The following B3GALNT2 variants were observed in gnomAD, a reference collection of about 807,000 sequenced individuals.
B3GALNT2 encodes the protein UDP-GalNAc:beta-1,3-N-acetylgalactosaminyltransferase 2.
A neutral mutation model predicts 61.1 loss-of-function variants in B3GALNT2; 53 were observed. The ratio of observed to expected loss-of-function variants is 0.87; its 90% CI spans 0.70 to 1.09. B3GALNT2 has a LOEUF of 1.09. Among genes scored for constraint, B3GALNT2 ranks in the 50% least tolerant of loss-of-function variants. The probability of loss-of-function intolerance (pLI) is 0.00; values close to 1 mark genes in which losing one functional copy is unlikely to be tolerated. For synonymous variants in B3GALNT2, 223 were observed against 237.4 expected, an observed-to-expected ratio of 0.94 and a Z score of 0.56; for missense variants, 544 against 623.0, an observed-to-expected ratio of 0.87 and a Z score of 1.35.
At chr1:235,498,744 T>C (rs12750955) in intron 1 of B3GALNT2, among the ~76,000 whole-genome samples, 1 of 147,278 alleles carries the variant, frequency 6.8e-6, no homozygotes, top group Admixed American at 7.1e-5. Flanking sequence ...CTCGGGAGGC[T>C]GAGTCAGGAG....
At chr1:235,460,630 G>A (rs1683378614) in intron 7 of B3GALNT2, among the ~76,000 whole-genome samples, 1 of 151,116 alleles carries the variant, frequency 6.6e-6, no homozygotes, top group African/African-American at 2.4e-5. Flanking sequence ...CTAGAATGCA[G>A]TGGTGTAATT....
Position 235,448,698 on chromosome 1 carries a change from A to G in B3GALNT2, c.*1508T>C. On this transcript the variant is annotated 3_prime_UTR_variant, in exon 12 of 12. Transcript: ENST00000366600. ...CCGGGCAGAGAAATCGAGCTGGAAA[A>G]TGACCTAAAGTCATTACAGTTTTAT... 2.5e-6 allele frequency: 4 copies of G among 1,614,176 alleles called. No homozygotes were observed. The highest frequency in any genetic ancestry group is 2.5e-6 in the Non-Finnish European group (3 of 1,180,026).
intron 2 of B3GALNT2, among the ~76,000 whole-genome samples, chr1:235,490,924 G>A (rs903061901): frequency 1.3e-5 from 2 of 151,920 alleles, no homozygotes; most frequent in Non-Finnish European, 2.9e-5. Context: ...TGGCCATAGT[G>A]GAAATATTCA....
chr1:235,453,237 C>A (rs751031407), intron 10 of B3GALNT2, 91 bp from the exon 11 acceptor site: 33 of 1,289,268 alleles, frequency 2.6e-5, no homozygotes, highest in Non-Finnish European at 3.7e-5. Flanking sequence ...CATAAACCAC[C>A]TTTCTACTTT....
chr1:235,478,943 G>A (rs1253736839), intron 5 of B3GALNT2: 5 of 152,102 alleles, frequency 3.3e-5, no homozygotes, highest in Admixed American at 2.0e-4. Context: ...TTTAAAAGTC[G>A]TTTTGTTTTT....
chr1:235,471,109 G>C (rs1219385070), intron 5 of B3GALNT2, 149 bp from the exon 6 acceptor site: 2 of 1,415,946 alleles, frequency 1.4e-6, no homozygotes, highest in Non-Finnish European at 1.9e-6. Flanking sequence ...ACCACTGTTA[G>C]CGTTTGGTGT....
rs574404341 is a variant in B3GALNT2 at position 235,457,765 on chromosome 1, G to A, written c.1025+838C>T. On this transcript the variant is annotated intron_variant, in intron 8 of 11. Transcript: ENST00000366600. ...ATGCCTATCAGTAACCTAAATGTGA[G>A]TGACTATAACTGGGGAATCTGGGTA... is the stretch of plus-strand genomic sequence containing the variant. Among the ~76,000 whole-genome samples, 346 of 152,214 alleles carry A rather than the reference G, an allele frequency of 2.3e-3. 1 individual carries two copies. The highest frequency in any genetic ancestry group is 7.8e-3 in the African/African-American group (325 of 41,532).
chr1:235,483,021 T>A (rs1684629965), intron 4 of B3GALNT2, among the ~76,000 whole-genome samples: 1 of 152,104 alleles, frequency 6.6e-6, no homozygotes, highest in South Asian at 2.1e-4. Context: ...AAAAATATTC[T>A]CAAACAATGA....
downstream of B3GALNT2, among the ~76,000 whole-genome samples, chr1:235,447,134 T>C (rs1354165712): frequency 1.3e-5 from 2 of 152,212 alleles, no homozygotes; most frequent in Admixed American, 1.3e-4. Context: ...GACTATCACA[T>C]ATTCACACAT....
chr1:235,502,159 T>G (rs902626377), intron 1 of B3GALNT2, among the ~76,000 whole-genome samples: 2 of 152,188 alleles, frequency 1.3e-5, no homozygotes, highest in African/African-American at 2.4e-5. Flanking sequence ...ATTACAGGCA[T>G]GCACCACTAT....
At chr1:235,456,726 G>A (rs747041559) in intron 8 of B3GALNT2, among the ~76,000 whole-genome samples, 10 of 152,216 alleles carry the variant, frequency 6.6e-5, no homozygotes, top group African/African-American at 1.9e-4. Context: ...TAGCGGCAGC[G>A]GAGACTAAGG....
intron 5 of B3GALNT2, among the ~76,000 whole-genome samples, chr1:235,474,963 ATATATATATATATATATATATATATTT>A (rs1237232759): frequency 3.0e-4 from 7 of 23,418 alleles, no homozygotes; most frequent in African/African-American, 1.3e-3. Context: ...ATATATATAT[ATATATATATATATATATATATATATTT>A]TTTTTTTTTT....
At chr1:235,465,796 T>G in intron 6 of B3GALNT2, 82 bp from the exon 7 acceptor site, 1 of 1,513,144 alleles carries the variant, frequency 6.6e-7, no homozygotes, top group Non-Finnish European at 9.1e-7. Flanking sequence ...ACAAAAATCA[T>G]AATATGACTC....
rs371512953 is a variant in B3GALNT2 at position 235,454,159 on chromosome 1, A to G, written c.1308T>C (p.Tyr436=). ...LASNSGRLKT[Y]QGEDVSMGIW... Reference sequence around the variant, plus strand: ...AAGCTAAGAAATTCTTAATTACCTGATAGGTCTTTAACCTCCCCGAGTTGC... The same window carrying G: ...AAGCTAAGAAATTCTTAATTACCTGGTAGGTCTTTAACCTCCCCGAGTTGC... The change falls in exon 10 of 12, where the codon TAT becomes TAC. Residue 436 remains tyrosine, a synonymous_variant. Coordinates refer to ENST00000366600, the MANE Select transcript of B3GALNT2 (RefSeq NM_152490.5). 54 of 1,604,332 alleles carry G rather than the reference A, an allele frequency of 3.4e-5. No individual in the cohort carries two copies. The highest frequency in any genetic ancestry group is 4.3e-5 in the Non-Finnish European group (51 of 1,175,894).
chr1:235,485,053 AAAGAT>A (rs1316214082), intron 3 of B3GALNT2, among the ~76,000 whole-genome samples: 2 of 152,244 alleles, frequency 1.3e-5, no homozygotes, highest in African/African-American at 2.4e-5. Context: ...AGCACTGATA[AAAGAT>A]AAGCATATCA....
intron 2 of B3GALNT2, among the ~76,000 whole-genome samples, chr1:235,492,975 G>A (rs913441835): frequency 2.0e-5 from 3 of 152,198 alleles, no homozygotes; most frequent in Admixed American, 6.5e-5. Context: ...AGCAAGAAAG[G>A]AGGTCAATGG....
At position 235,474,987 on chromosome 1, in the gene B3GALNT2, A is replaced by ATTTTTTT. The variant is rs1160445883; in HGVS notation, c.652-4034_652-4028dup. ...TATATATATATATATATATATATAT[A>ATTTTTTT]TTTTTTTTTTTTTTTTTTTTTTTGA... On this transcript the variant is annotated intron_variant, in intron 5 of 11. Transcript: ENST00000366600. Among the ~76,000 whole-genome samples, 26 of 35,570 alleles carry ATTTTTTT rather than the reference A, an allele frequency of 7.3e-4. 1 individual carries two copies. Among genetic ancestry groups the ATTTTTTT allele is most frequent in the Non-Finnish European group, 1.1e-3 (23 of 20,586 alleles). 23.3% of individuals were successfully genotyped at this position (35,570 alleles called of 152,430 possible).
At chr1:235,463,412 T>C (rs1683522499) in intron 7 of B3GALNT2, 1 of 151,394 alleles carries the variant, frequency 6.6e-6, no homozygotes, top group South Asian at 2.1e-4. Context: ...TATATATATA[T>C]GCAATCCCTT....
In B3GALNT2 at chr1:235,464,395, C is replaced by T. The variant is rs1408248015; in HGVS notation, c.841+1241G>A. 2.0e-5 allele frequency: 3 copies of T among 151,464 alleles called. No homozygotes were observed. The East Asian group carries it at 5.8e-4, about 29-fold the overall frequency. The allele number at this position is 151,464 out of a possible 1,614,324, so 9.4% of individuals were successfully genotyped here. ...TATTTCTCTAAAGATATACAAATGA[C>T]TCTCTCTCCCCTCCTTTCCTCCCTT... is the stretch of plus-strand genomic sequence containing the variant. On this transcript the variant is annotated intron_variant, in intron 7 of 11. Transcript: ENST00000366600.
Sources: gnomAD v4.1 joint callset for allele counts (sites outside exome capture counted in the v4.1 genomes callset) on GRCh38, gnomAD v4.1.1 for gene constraint, MANE v1.5 for transcripts, NCBI Gene and HGNC (gene_info 2026-07-23, HGNC 2026-07-21) for gene names.